LINGO2: variants seen among roughly 807,000 people sequenced by gnomAD.
The protein encoded by LINGO2 is leucine-rich repeat and immunoglobulin-like domain-containing nogo receptor-interacting protein 2.
A neutral mutation model predicts 30.6 loss-of-function variants in LINGO2; 14 were observed. The observed-to-expected ratio is 0.46, with a 90% CI of 0.30 to 0.72. The LOEUF (loss-of-function observed/expected upper bound fraction) is 0.72, where lower values mean the gene tolerates loss of function less well. Among genes scored for constraint, LINGO2 ranks in the 30% least tolerant of loss-of-function variants. The pLI, the probability that LINGO2 is intolerant of heterozygous loss-of-function variation, is 0.07. For missense variants in LINGO2, 729 were observed against 751.7 expected, an observed-to-expected ratio of 0.97 and a Z score of 0.35; for synonymous variants, 317 against 288.5, an observed-to-expected ratio of 1.10 and a Z score of -1.00.
chr9:28,306,413 G>C (rs1824357704), intron 3 of LINGO2, among the ~76,000 whole-genome samples: 1 of 152,052 alleles, frequency 6.6e-6, no homozygotes, highest in African/African-American at 2.4e-5. Context: ...AGAATCTCTG[G>C]GACACAGTCA....
At chr9:28,381,356 T>C (rs536025888) in intron 2 of LINGO2, among the ~76,000 whole-genome samples, 7 of 152,216 alleles carry the variant, frequency 4.6e-5, no homozygotes, top group South Asian at 2.1e-4. Context: ...TCAGTCTCCA[T>C]TGGTTGGTGA....
At chr9:28,023,872 G>C (rs547269446) in intron 4 of LINGO2, among the ~76,000 whole-genome samples, 8 of 152,120 alleles carry the variant, frequency 5.3e-5, no homozygotes, top group Admixed American at 2.0e-4. Flanking sequence ...CCTTTAGCTA[G>C]TCCATACTCA....
chr9:28,650,930 C>T lies in LINGO2; in HGVS notation c.-365+19270G>A, dbSNP rs1277778385. Among the ~76,000 whole-genome samples, 2 of 152,074 alleles carry T rather than the reference C, an allele frequency of 1.3e-5. 1 individual carries two copies. The highest frequency in any genetic ancestry group is 2.9e-5 in the Non-Finnish European group (2 of 68,020). On this transcript the variant is annotated intron_variant, in intron 1 of 5. Coordinates refer to ENST00000379992, the Ensembl canonical transcript of LINGO2. ...TTATGGCTGGATGCGATGGCTTACG[C>T]CTGTAATCCCAGCACTTTGGGAGGC...
chr9:29,034,181 T>C, the LINGO2 span, among the ~76,000 whole-genome samples: 2 of 152,112 alleles, frequency 1.3e-5, no homozygotes, highest in Non-Finnish European at 2.9e-5. Flanking sequence ...ACCAACAAAA[T>C]TGTTAAAGAC....
chr9:28,311,006 C>G (rs1277460667), intron 3 of LINGO2, among the ~76,000 whole-genome samples: 1 of 151,842 alleles, frequency 6.6e-6, no homozygotes, highest in Non-Finnish European at 1.5e-5. Flanking sequence ...CGAAATTCAC[C>G]CCCGATATTT....
At chr9:28,400,527 T>C (rs1291395332) in intron 2 of LINGO2, among the ~76,000 whole-genome samples, 1 of 152,194 alleles carries the variant, frequency 6.6e-6, no homozygotes, top group Admixed American at 6.5e-5. Flanking sequence ...TTTAAACAAC[T>C]GGTTTGTTGG....
the LINGO2 span, among the ~76,000 whole-genome samples, chr9:29,121,900 T>A: frequency 6.6e-6 from 1 of 152,064 alleles, no homozygotes; most frequent in Non-Finnish European, 1.5e-5. Flanking sequence ...AAGGTTCAGT[T>A]AAAAATCTTA....
At chr9:28,472,372 G>T (rs1399208196) in intron 2 of LINGO2, among the ~76,000 whole-genome samples, 1 of 150,660 alleles carries the variant, frequency 6.6e-6, no homozygotes, top group Non-Finnish European at 1.5e-5. Flanking sequence ...CTCAGTATTG[G>T]TAGTTTTTCT....
chr9:28,300,897 C>T (rs1159861950), intron 3 of LINGO2, among the ~76,000 whole-genome samples: 1 of 150,676 alleles, frequency 6.6e-6, no homozygotes, highest in African/African-American at 2.5e-5. Context: ...AACATGTCAG[C>T]TTTGAGTAGA....
intron 1 of LINGO2, among the ~76,000 whole-genome samples, chr9:28,651,586 G>A (rs546116762): frequency 1.3e-5 from 2 of 152,140 alleles, no homozygotes; most frequent in African/African-American, 4.8e-5. Context: ...CAGTCCCTGG[G>A]GAGGTCTCTA....
intron 5 of LINGO2, among the ~76,000 whole-genome samples, chr9:27,971,394 A>G (rs1015989886): frequency 6.6e-6 from 1 of 152,002 alleles, no homozygotes; most frequent in Non-Finnish European, 1.5e-5. Flanking sequence ...AAATTTTATT[A>G]TTTTTTAGAT....
chr9:28,299,865 G>A (rs1824069607), intron 3 of LINGO2, among the ~76,000 whole-genome samples: 1 of 152,058 alleles, frequency 6.6e-6, no homozygotes, highest in South Asian at 2.1e-4. Flanking sequence ...ATAGGGTCTG[G>A]AAAAGCATTT....
the LINGO2 span, among the ~76,000 whole-genome samples, chr9:28,703,199 G>T: frequency 6.6e-6 from 1 of 151,302 alleles, no homozygotes; most frequent in Non-Finnish European, 1.5e-5. Flanking sequence ...ACGTTCTAAG[G>T]TGAAAACTTA....
chr9:29,015,902 A>C, the LINGO2 span, among the ~76,000 whole-genome samples: 1 of 152,164 alleles, frequency 6.6e-6, no homozygotes, highest in African/African-American at 2.4e-5. Flanking sequence ...GCACATCAAA[A>C]TTATTCAACC....
chr9:28,176,877 A>C (rs1828764996), intron 4 of LINGO2, among the ~76,000 whole-genome samples: 1 of 152,172 alleles, frequency 6.6e-6, no homozygotes, highest in Non-Finnish European at 1.5e-5. Context: ...CAATCATTTA[A>C]AACTCAAGAA....
chr9:28,599,316 CAG>C (rs1317593922), intron 1 of LINGO2: 1 of 152,092 alleles, frequency 6.6e-6, no homozygotes, highest in Non-Finnish European at 1.5e-5. Context: ...ATTTTTCTTG[CAG>C]AGTTAGAGTA....
intron 5 of LINGO2, among the ~76,000 whole-genome samples, chr9:27,996,019 G>T (rs1821644287): frequency 6.6e-6 from 1 of 152,044 alleles, no homozygotes; most frequent in African/African-American, 2.4e-5. Flanking sequence ...CAGTAAGGTT[G>T]CAGTAAATGA....
chr9:28,544,574 T>C (rs1010617756), intron 1 of LINGO2, among the ~76,000 whole-genome samples: 14 of 152,078 alleles, frequency 9.2e-5, no homozygotes, highest in African/African-American at 2.9e-4. Flanking sequence ...GAGTCCAGAG[T>C]GGGCATTCCC....
At chr9:28,351,823 C>A (rs1010797466) in intron 3 of LINGO2, among the ~76,000 whole-genome samples, 4 of 150,872 alleles carry the variant, frequency 2.7e-5, no homozygotes, top group African/African-American at 4.9e-5. Flanking sequence ...GGCTTCATCC[C>A]TGGGATGCAA....
Sources: allele counts gnomAD v4.1 joint callset (sites outside exome capture counted in the v4.1 genomes callset), GRCh38; gene constraint gnomAD v4.1.1; transcripts MANE v1.5; gene names NCBI Gene and HGNC (gene_info 2026-07-23, HGNC 2026-07-21).